The following ACLY variants were observed in gnomAD, a reference collection of about 807,000 sequenced individuals.
The protein encoded by ACLY is ATP-citrate synthase.
Under a neutral mutation model 133.0 loss-of-function variants are expected in ACLY, and 41 were observed. That is an observed-to-expected ratio of 0.31 (90% CI 0.24 to 0.40). The LOEUF (loss-of-function observed/expected upper bound fraction) is 0.40. Among genes scored for constraint, ACLY ranks in the 10% least tolerant of loss-of-function variants. ACLY has a pLI of 1.00. For synonymous variants in ACLY, 495 were observed against 549.3 expected, an observed-to-expected ratio of 0.90 and a Z score of 1.38; for missense variants, 1,046 against 1,453.8, an observed-to-expected ratio of 0.72 and a Z score of 4.56.
chr17:41,893,238 A>AG (rs2049266822), intron 14 of ACLY, 64 bp from the exon 15 acceptor site: 1 of 1,538,210 alleles, frequency 6.5e-7, no homozygotes. Context: ...TGCAGGGGCC[A>AG]GGGCTGCCTG....
intron 1 of ACLY, among the ~76,000 whole-genome samples, chr17:41,927,202 G>T (rs1178833966): frequency 6.6e-6 from 1 of 152,158 alleles, no homozygotes; most frequent in African/African-American, 2.4e-5. Context: ...ATATACCTGT[G>T]AAACAATTAC....
chr17:41,873,719 T>C (rs1034674925), intron 23 of ACLY, 92 bp downstream of exon 23: 7 of 1,346,556 alleles, frequency 5.2e-6, no homozygotes, highest in Non-Finnish European at 6.8e-6. Context: ...TTGGACACAC[T>C]CCCCAGGCCT....
At chr17:41,886,390 C>T in intron 17 of ACLY, 82 bp from the exon 18 acceptor site, 3 of 1,381,816 alleles carry the variant, frequency 2.2e-6, no homozygotes, top group South Asian at 2.7e-5. Context: ...TGCATTACTG[C>T]CCAGCCCCTT....
intron 22 of ACLY, among the ~76,000 whole-genome samples, chr17:41,876,555 T>G (rs1353071326): frequency 6.6e-6 from 1 of 152,240 alleles, no homozygotes; most frequent in African/African-American, 2.4e-5. Context: ...ACTTTTCATT[T>G]TGTTCTGTAC....
In ACLY at chr17:41,900,127, G is replaced by A. The variant is rs377094131; in HGVS notation, c.1184-1342C>T. Among the ~76,000 whole-genome samples, 109 of 134,218 alleles carry A rather than the reference G, an allele frequency of 8.1e-4. 2 individuals are homozygous for A. In the South Asian group the frequency reaches 0.027, roughly 33 times the overall value. The allele number at this position is 134,218 out of a possible 152,430, so 88.1% of individuals were successfully genotyped here. ...TATAATCTCAGCACTTTGGGAGGCCGAGGCAGTCTGATCACGAGGTCAAGA... is the reference window on the plus strand; with the variant it reads ...TATAATCTCAGCACTTTGGGAGGCCAAGGCAGTCTGATCACGAGGTCAAGA... On this transcript the variant is annotated intron_variant, in intron 11 of 28. Coordinates refer to ENST00000352035, the MANE Select transcript of ACLY (RefSeq NM_001096.3).
chr17:41,882,728 ACCAAGCCCCGC>A (rs1219293279), intron 20 of ACLY, among the ~76,000 whole-genome samples: 1 of 151,908 alleles, frequency 6.6e-6, no homozygotes, highest in African/African-American at 2.4e-5. Context: ...AAAACATCTC[ACCAAGCCCCGC>A]CCAGCTGAGC....
At position 41,887,127 on chromosome 17, in the gene ACLY, G is replaced by GAAAA. The variant is rs535668437; in HGVS notation, c.1875+468_1875+471dup. On this transcript the variant is annotated intron_variant, in intron 17 of 28. Coordinates refer to ENST00000352035, the MANE Select transcript of ACLY (RefSeq NM_001096.3). ...TAACAGGGCAAGACTCCGTCTCAAA[G>GAAAA]AAAAAAAAAAAAAAAAAAAAAAAAA... is the stretch of plus-strand genomic sequence containing the variant. Among the ~76,000 whole-genome samples the GAAAA allele has an allele frequency of 1.5e-3, 161 of 110,352 alleles. 6 individuals are homozygous for GAAAA. The highest frequency in any genetic ancestry group is 3.4e-3 in the African/African-American group (84 of 24,994). 72.4% of individuals were successfully genotyped at this position (110,352 alleles called of 152,430 possible).
Position 41,878,170 on chromosome 17 carries a change from T to A in ACLY, c.2420A>T (p.Asn807Ile), listed in dbSNP as rs536517193. 6.3e-7 allele frequency: 1 copy of A among 1,596,800 alleles called. No homozygotes were observed. The highest frequency in any genetic ancestry group is 8.5e-7 in the Non-Finnish European group (1 of 1,171,850). The change falls in exon 22 of 29, where the codon AAT becomes ATT. Residue 807 changes from asparagine (N) to isoleucine (I), a missense_variant. Around this residue, in one of 4 missense-constraint regions of ACLY, gnomAD observed 39 missense variants for 30.8 expected, o/e 1.27. Coordinates refer to ENST00000352035, the MANE Select transcript of ACLY (RefSeq NM_001096.3). ...IQSVYEDLVA[N>I]GVIVPAQEVP... is the part of the protein sequence containing the mutation. ...CTCCTGGGCAGGTACAATGACTCCA[T>A]TGGCCACGAGATCTTCGTATACAGA...
chr17:41,875,574 T>C (rs1488747059), intron 22 of ACLY, among the ~76,000 whole-genome samples: 1 of 152,136 alleles, frequency 6.6e-6, no homozygotes, highest in African/African-American at 2.4e-5. Flanking sequence ...GCCGAGTGCC[T>C]GCGATTGCAG....
intron 1 of ACLY, among the ~76,000 whole-genome samples, chr17:41,924,873 C>G (rs1412387120): frequency 6.6e-6 from 1 of 152,048 alleles, no homozygotes; most frequent in Non-Finnish European, 1.5e-5. Flanking sequence ...CATTCTGACT[C>G]TCTCTCAAAA....
chr17:41,899,278 CAA>C (rs534618272), intron 11 of ACLY, among the ~76,000 whole-genome samples: 1 of 128,882 alleles, frequency 7.8e-6, no homozygotes. Context: ...CTCTTGTCTC[CAA>C]AAAAAAAAAA....
chr17:41,926,777 C>T (rs1555636021), intron 1 of ACLY, among the ~76,000 whole-genome samples: 4 of 152,194 alleles, frequency 2.6e-5, no homozygotes, highest in Non-Finnish European at 5.9e-5. Context: ...GCATAAGCCA[C>T]CACGCCAGGC....
intron 18 of ACLY, among the ~76,000 whole-genome samples, chr17:41,884,605 C>T (rs2049001999): frequency 1.3e-5 from 2 of 152,152 alleles, no homozygotes; most frequent in African/African-American, 2.4e-5. Flanking sequence ...CAAATTCCGG[C>T]CAGGCGCAGT....
chr17:41,912,501 T>C lies in ACLY; in HGVS notation c.201A>G (p.Gly67=). 1 of 1,614,236 alleles carries C rather than the reference T, an allele frequency of 6.2e-7. No individual in the cohort carries two copies. The highest frequency in any genetic ancestry group is 8.5e-7 in the Non-Finnish European group (1 of 1,180,034). Residue 67 remains glycine, a synonymous_variant, in exon 3 of 29, where the codon GGA becomes GGG. Coordinates refer to ENST00000352035, the MANE Select transcript of ACLY (RefSeq NM_001096.3). ...GGTTGACCCCAACGAGACCAAGTTT[T>C]CCACGACGTTTGATCAGCTGGTCTG... The part of the protein sequence containing the change: ...VKPDQLIKRR[G]KLGLVGVNLT...
chr17:41,872,249 C>T (rs2048617133), intron 23 of ACLY, 67 bp from the exon 24 acceptor site: 2 of 1,494,556 alleles, frequency 1.3e-6, no homozygotes, highest in South Asian at 1.2e-5. Flanking sequence ...CCCCCATCTC[C>T]CTAAACAAGT....
rs370003853 is a variant in ACLY, at chr17:41,926,574, C to T, written c.-28+3784G>A. 4.3e-4 allele frequency among the ~76,000 whole-genome samples: 66 copies of T among 152,196 alleles called. 1 individual carries two copies. The South Asian group carries it at 0.013, about 30-fold the overall frequency. On this transcript the variant is annotated intron_variant, in intron 1 of 3. Transcript: ENST00000592970. ...CACGATCTTGGCTCACTGCAACCTCCACCTCCCAGGTTCAAGCGATTCTCG... is the reference window on the plus strand; with the variant it reads ...CACGATCTTGGCTCACTGCAACCTCTACCTCCCAGGTTCAAGCGATTCTCG...
intron 1 of ACLY, among the ~76,000 whole-genome samples, chr17:41,917,666 A>T (rs1220260246): frequency 2.0e-5 from 3 of 152,068 alleles, no homozygotes; most frequent in Non-Finnish European, 2.9e-5. Flanking sequence ...TTATTTATTT[A>T]TTTTTTGAGA....
chr17:41,903,585 T>A (rs564586275), intron 10 of ACLY, among the ~76,000 whole-genome samples: 23 of 151,618 alleles, frequency 1.5e-4, no homozygotes, highest in Middle Eastern at 6.8e-3. Flanking sequence ...AAACCCCGTC[T>A]CTACTAAAAA....
chr17:41,909,360 G>A (rs552770830), intron 5 of ACLY, 150 bp downstream of exon 5: 13 of 845,550 alleles, frequency 1.5e-5, no homozygotes, highest in South Asian at 1.0e-4. Context: ...GCCAGTCCCC[G>A]CCCTGCACCC....
Sources: gnomAD v4.1 joint callset for allele counts (sites outside exome capture counted in the v4.1 genomes callset) on GRCh38, gnomAD v4.1.1 for gene constraint, gnomAD v4.1.1 regional missense constraint, MANE v1.5 for transcripts, NCBI Gene and HGNC (gene_info 2026-07-23, HGNC 2026-07-21) for gene names.